The following CPVL variants were observed in gnomAD, a reference collection of about 807,000 sequenced individuals.
The protein encoded by CPVL is probable serine carboxypeptidase CPVL.
Under a neutral mutation model 63.7 loss-of-function variants are expected in CPVL, and 51 were observed. The observed-to-expected ratio is 0.80, with a 90% CI of 0.64 to 1.01. CPVL has a LOEUF of 1.01. Among genes scored for constraint, CPVL ranks in the 50% least tolerant of loss-of-function variants. The pLI, the probability that CPVL is intolerant of heterozygous loss-of-function variation, is 0.00. For missense variants in CPVL, 530 were observed against 573.1 expected (o/e 0.92, Z 0.77); for synonymous variants, 195 against 206.0 (o/e 0.95, Z 0.46).
intron 2 of CPVL, among the ~76,000 whole-genome samples, chr7:29,114,467 G>A (rs1310351590): frequency 1.3e-5 from 2 of 152,116 alleles, no homozygotes; most frequent in Non-Finnish European, 2.9e-5. Context: ...GGGAAGGGAA[G>A]TAGTGGCATG....
At chr7:29,075,368 A>G (rs1355013039) in intron 7 of CPVL, among the ~76,000 whole-genome samples, 3 of 152,118 alleles carry the variant, frequency 2.0e-5, no homozygotes, top group African/African-American at 4.8e-5. Flanking sequence ...TTGTTTTCCA[A>G]TATTTTACAG....
intron 5 of CPVL, among the ~76,000 whole-genome samples, chr7:29,153,413 A>G (rs1485270184): frequency 6.6e-6 from 1 of 151,764 alleles, no homozygotes; most frequent in African/African-American, 2.4e-5. Flanking sequence ...CCACCTCTCT[A>G]CCTTTTCTGG....
chr7:29,064,108 C>G lies in CPVL; in HGVS notation c.1090G>C (p.Val364Leu). ...GTTAACCATGGCTTAACTGACTGTA[C>G]TGTATCTTCTCGCAAGTACTTTTCA... is the stretch of plus-strand genomic sequence containing the variant. Reference protein sequence around the residue: ...IVEKYLREDTVQSVKPWLTEI... With the variant: ...IVEKYLREDTLQSVKPWLTEI... Residue 364 changes from valine (V) to leucine (L), a missense_variant, in exon 11 of 13, where the codon GTA becomes CTA. Coordinates refer to ENST00000265394, the MANE Select transcript of CPVL (RefSeq NM_031311.5). 1 of 1,612,990 alleles carries G rather than the reference C, an allele frequency of 6.2e-7. No homozygotes were observed. The highest frequency in any genetic ancestry group is 8.5e-7 in the Non-Finnish European group (1 of 1,179,074).
chr7:29,026,411 A>G (rs1250836186), intron 12 of CPVL, among the ~76,000 whole-genome samples: 4 of 152,098 alleles, frequency 2.6e-5, no homozygotes, highest in Admixed American at 1.3e-4. Context: ...TCTTTAAAAA[A>G]CTAGAAAAGC....
At chr7:29,002,926 T>G (rs1420447436) in intron 12 of CPVL, among the ~76,000 whole-genome samples, 1 of 150,182 alleles carries the variant, frequency 6.7e-6, no homozygotes, top group Non-Finnish European at 1.5e-5. Context: ...AACTTATGTT[T>G]AACTGGAATT....
intron 11 of CPVL, among the ~76,000 whole-genome samples, chr7:29,041,238 G>A (rs1789057879): frequency 6.6e-6 from 1 of 150,684 alleles, no homozygotes; most frequent in Non-Finnish European, 1.5e-5. Context: ...TTTACACCTG[G>A]CTAATTTTTG....
At chr7:29,103,381 G>A (rs1787401374) in intron 3 of CPVL, among the ~76,000 whole-genome samples, 1 of 150,448 alleles carries the variant, frequency 6.6e-6, no homozygotes, top group African/African-American at 2.5e-5. Flanking sequence ...GAGTAGCTGG[G>A]ATTAGAGGTG....
intron 1 of CPVL, among the ~76,000 whole-genome samples, chr7:29,190,557 A>C (rs1188102100): frequency 6.6e-6 from 1 of 152,234 alleles, no homozygotes; most frequent in South Asian, 2.1e-4. Context: ...GCTACCCTGC[A>C]AACAATAAAT....
chr7:29,034,366 T>C (rs1005951759), intron 11 of CPVL, among the ~76,000 whole-genome samples: 2 of 152,186 alleles, frequency 1.3e-5, no homozygotes, highest in Non-Finnish European at 2.9e-5. Context: ...CTCAGCTTCC[T>C]TCCCAAAATG....
chr7:29,178,780 C>T (rs189582442), intron 5 of CPVL, among the ~76,000 whole-genome samples: 1 of 152,196 alleles, frequency 6.6e-6, no homozygotes, highest in African/African-American at 2.4e-5. Flanking sequence ...TAGCCATCTG[C>T]ATTCATATGA....
Position 29,071,772 on chromosome 7 carries a change from C to A in CPVL, c.864+1G>T, listed in dbSNP as rs201079331. 3.4e-5 allele frequency: 48 copies of A among 1,414,586 alleles called. No homozygotes were observed. The highest frequency in any genetic ancestry group is 4.4e-5 in the Non-Finnish European group (46 of 1,053,068). The allele number at this position is 1,414,586 out of a possible 1,614,324, so 87.6% of individuals were successfully genotyped here. On this transcript the variant is annotated splice_donor_variant, in intron 9 of 12. Coordinates refer to ENST00000265394, the MANE Select transcript of CPVL (RefSeq NM_031311.5). LOFTEE classifies it high-confidence loss of function. ...GGCAGCACAGGGCCCCCAGAACTCACTTCAAAGGCCTCAAACCAGTTCTGC... is the reference window on the plus strand; with the variant it reads ...GGCAGCACAGGGCCCCCAGAACTCAATTCAAAGGCCTCAAACCAGTTCTGC...
intron 1 of CPVL, among the ~76,000 whole-genome samples, chr7:29,129,279 A>G (rs1410822188): frequency 1.3e-5 from 2 of 152,150 alleles, no homozygotes; most frequent in African/African-American, 4.8e-5. Context: ...ACCAGACATA[A>G]TGGCTAAGGG....
intron 5 of CPVL, among the ~76,000 whole-genome samples, chr7:29,155,477 C>T (rs763426739): frequency 3.3e-5 from 5 of 152,162 alleles, no homozygotes; most frequent in Non-Finnish European, 5.9e-5. Flanking sequence ...ATTATATTCT[C>T]CATTTTCTAA....
chr7:29,032,969 A>T (rs1166292224), intron 11 of CPVL, among the ~76,000 whole-genome samples: 3 of 152,186 alleles, frequency 2.0e-5, no homozygotes, highest in Non-Finnish European at 4.4e-5. Context: ...GTTAGTCAAG[A>T]CTTATCATAA....
chr7:29,055,887 G>A (rs1248309429), intron 11 of CPVL, among the ~76,000 whole-genome samples: 1 of 152,144 alleles, frequency 6.6e-6, no homozygotes, highest in Non-Finnish European at 1.5e-5. Flanking sequence ...TTGTATTTTA[G>A]TTGTATTTTC....
chr7:29,165,929 G>A (rs896619900), intron 5 of CPVL, among the ~76,000 whole-genome samples: 5 of 152,156 alleles, frequency 3.3e-5, no homozygotes, highest in Admixed American at 6.5e-5. Flanking sequence ...TTGTCACTAT[G>A]TTCACAGGGG....
intron 1 of CPVL, chr7:29,126,376 T>C (rs1790025149): frequency 6.6e-6 from 1 of 152,210 alleles, no homozygotes; most frequent in Non-Finnish European, 1.5e-5. Context: ...CTCATCTTCA[T>C]TATTGGTAAA....
intron 5 of CPVL, among the ~76,000 whole-genome samples, chr7:29,162,807 A>G (rs1331722328): frequency 1.3e-5 from 2 of 152,264 alleles, no homozygotes; most frequent in African/African-American, 2.4e-5. Flanking sequence ...GCCAAAGGTT[A>G]GGGAAGAGGA....
intron 1 of CPVL, among the ~76,000 whole-genome samples, chr7:29,187,347 G>GTGTGTC (rs751959572): frequency 6.8e-6 from 1 of 148,066 alleles, no homozygotes; most frequent in Non-Finnish European, 1.5e-5. Flanking sequence ...TTGTGTGTCT[G>GTGTGTC]TGTGTGTGTG....
Sources: gnomAD v4.1 joint callset for allele counts (sites outside exome capture counted in the v4.1 genomes callset) on GRCh38, gnomAD v4.1.1 for gene constraint, MANE v1.5 for transcripts, NCBI Gene and HGNC (gene_info 2026-07-23, HGNC 2026-07-21) for gene names.